The following NKAIN2 variants were observed in gnomAD, a reference collection of about 807,000 sequenced individuals.
The protein encoded by NKAIN2 is sodium/potassium transporting ATPase interacting 2.
Under a neutral mutation model 32.6 loss-of-function variants are expected in NKAIN2, and 14 were observed. The ratio of observed to expected loss-of-function variants is 0.43; its 90% CI spans 0.28 to 0.67. The LOEUF (loss-of-function observed/expected upper bound fraction) is 0.67. NKAIN2 is among the 30% of genes least tolerant of loss of function. The pLI, the probability that NKAIN2 is intolerant of heterozygous loss-of-function variation, is 0.17. For missense variants in NKAIN2, 198 were observed against 258.3 expected (o/e 0.77, Z 1.60); for synonymous variants, 80 against 87.2 (o/e 0.92, Z 0.46).
intron 1 of NKAIN2, among the ~76,000 whole-genome samples, chr6:124,102,858 A>G (rs1160285826): frequency 1.3e-5 from 2 of 152,150 alleles, no homozygotes; most frequent in Non-Finnish European, 2.9e-5. Flanking sequence ...AAGGGGGGCA[A>G]TCTGTTGCTT....
chr6:124,213,424 C>G (rs1381483738), intron 1 of NKAIN2, among the ~76,000 whole-genome samples: 1 of 151,906 alleles, frequency 6.6e-6, no homozygotes, highest in African/African-American at 2.4e-5. Context: ...GCTTTCAAAA[C>G]TGCACTAAAA....
At chr6:124,671,561 T>C (rs751876402) in intron 4 of NKAIN2, among the ~76,000 whole-genome samples, 27 of 152,062 alleles carry the variant, frequency 1.8e-4, no homozygotes, top group Non-Finnish European at 3.7e-4. Context: ...CCTCTCTAAA[T>C]GTGCCACACA....
At chr6:123,921,565 C>T (rs1358668352) in intron 1 of NKAIN2, among the ~76,000 whole-genome samples, 1 of 152,098 alleles carries the variant, frequency 6.6e-6, no homozygotes, top group Non-Finnish European at 1.5e-5. Flanking sequence ...GTTGTTTTAG[C>T]GTTCATTACT....
chr6:123,938,601 A>G (rs1776670575), intron 1 of NKAIN2, among the ~76,000 whole-genome samples: 1 of 139,244 alleles, frequency 7.2e-6, no homozygotes, highest in South Asian at 2.2e-4. Context: ...TATATATTAT[A>G]TATATTTTTA....
intron 3 of NKAIN2, among the ~76,000 whole-genome samples, chr6:124,422,983 G>A (rs767280636): frequency 1.5e-4 from 23 of 152,134 alleles, no homozygotes; most frequent in Admixed American, 5.9e-4. Flanking sequence ...ACTAATTCCC[G>A]AGATAAAAAT....
chr6:124,036,299 G>A (rs1781602372), intron 1 of NKAIN2, among the ~76,000 whole-genome samples: 1 of 152,042 alleles, frequency 6.6e-6, no homozygotes, highest in Admixed American at 6.6e-5. Context: ...ATTTTGGTTT[G>A]AAACACAAAT....
chr6:124,810,188 G>A (rs1780821918), intron 5 of NKAIN2, among the ~76,000 whole-genome samples: 1 of 152,008 alleles, frequency 6.6e-6, no homozygotes, highest in African/African-American at 2.4e-5. Flanking sequence ...GCACACATAT[G>A]TTTATTGCGG....
intron 1 of NKAIN2, among the ~76,000 whole-genome samples, chr6:124,137,466 A>C (rs924044656): frequency 2.0e-5 from 3 of 152,094 alleles, no homozygotes; most frequent in Admixed American, 6.5e-5. Flanking sequence ...TACAATTCCT[A>C]TCAAAATACC....
intron 3 of NKAIN2, among the ~76,000 whole-genome samples, chr6:124,550,779 A>G (rs541577842): frequency 2.0e-5 from 3 of 152,328 alleles, no homozygotes; most frequent in African/African-American, 7.2e-5. Flanking sequence ...GACACTATTC[A>G]TTGTAACAGG....
At chr6:124,722,108 C>T (rs546550953) in intron 4 of NKAIN2, among the ~76,000 whole-genome samples, 4 of 152,274 alleles carry the variant, frequency 2.6e-5, no homozygotes, top group African/African-American at 9.6e-5. Context: ...CTTCACTTAG[C>T]AAAATGTTTT....
chr6:124,725,602 G>A (rs972677736), intron 4 of NKAIN2, among the ~76,000 whole-genome samples: 1 of 152,114 alleles, frequency 6.6e-6, no homozygotes, highest in Non-Finnish European at 1.5e-5. Flanking sequence ...TAAAGCAAGA[G>A]TCTTCCAAAT....
At chr6:124,737,252 G>A (rs1356984203) in intron 4 of NKAIN2, among the ~76,000 whole-genome samples, 13 of 151,864 alleles carry the variant, frequency 8.6e-5, no homozygotes, top group Non-Finnish European at 1.6e-4. Context: ...GAATCACAGG[G>A]ATGGTTACCT....
rs138546786 is a variant in NKAIN2, at chr6:124,288,304, A to G, written c.192+5162A>G. On this transcript the variant is annotated intron_variant, in intron 2 of 6. Coordinates refer to ENST00000368417, the MANE Select transcript of NKAIN2 (RefSeq NM_001040214.3). ...ACCACCACAGTGAACTGCCTCTTAGAGGCACAGTTCAGAGACCCAAATCTG... is the reference window on the plus strand; with the variant it reads ...ACCACCACAGTGAACTGCCTCTTAGGGGCACAGTTCAGAGACCCAAATCTG... Among the ~76,000 whole-genome samples, 571 of 152,324 alleles carry G rather than the reference A, an allele frequency of 3.7e-3. 2 individuals carry two copies. Among genetic ancestry groups the G allele is most frequent in the African/African-American group, 0.012 (502 of 41,574 alleles).
At chr6:123,999,470 A>G (rs749278647) in intron 1 of NKAIN2, among the ~76,000 whole-genome samples, 4 of 152,116 alleles carry the variant, frequency 2.6e-5, no homozygotes, top group Admixed American at 6.6e-5. Context: ...AATTCCTACA[A>G]GTTGAGAGCA....
chr6:124,669,711 C>G (rs556630328), intron 4 of NKAIN2, among the ~76,000 whole-genome samples: 2 of 152,208 alleles, frequency 1.3e-5, no homozygotes, highest in South Asian at 4.1e-4. Context: ...TTCCCTCTTT[C>G]TGACTTCTTA....
chr6:123,967,001 C>CCT (rs1778112330), intron 1 of NKAIN2, among the ~76,000 whole-genome samples: 2 of 152,122 alleles, frequency 1.3e-5, no homozygotes, highest in Admixed American at 1.3e-4. Flanking sequence ...ATTAAAACAA[C>CCT]CTCCTGGGGT....
rs1466423895 is a variant in NKAIN2 at position 124,229,525 on chromosome 6, TAGATAGATAGAC to T, written c.55-53476_55-53465del. Among the ~76,000 whole-genome samples, 9 of 148,736 alleles carry T rather than the reference TAGATAGATAGAC, an allele frequency of 6.1e-5. No homozygotes were observed. In the East Asian group the frequency reaches 8.0e-4, roughly 13 times the overall value. On this transcript the variant is annotated intron_variant, in intron 1 of 6. Transcript: ENST00000368417. ...ACAGATAGATAGATAGATAGATAGA[TAGATAGATAGAC>T]AGACAGACAGACAGACAGACAGACA...
At chr6:124,411,751 C>T (rs1774195892) in intron 3 of NKAIN2, among the ~76,000 whole-genome samples, 1 of 152,200 alleles carries the variant, frequency 6.6e-6, no homozygotes, top group Non-Finnish European at 1.5e-5. Context: ...TGGGGAAGTT[C>T]TCCTGGATAA....
chr6:124,220,980 T>C (rs1582872820), intron 1 of NKAIN2, among the ~76,000 whole-genome samples: 2 of 152,302 alleles, frequency 1.3e-5, no homozygotes, highest in East Asian at 3.9e-4. Flanking sequence ...CACAGATTTT[T>C]TTCAAGAAAT....
Sources: allele counts gnomAD v4.1 joint callset (sites outside exome capture counted in the v4.1 genomes callset), GRCh38; gene constraint gnomAD v4.1.1; transcripts MANE v1.5; gene names NCBI Gene and HGNC (gene_info 2026-07-23, HGNC 2026-07-21).